ZNF148: variants seen among roughly 807,000 people sequenced by gnomAD.
ZNF148 encodes the protein zinc finger protein 148.
ZNF148 carries 7 observed loss-of-function variants against 67.7 expected under a neutral mutation model. The observed-to-expected ratio is 0.10, with a 90% CI of 0.06 to 0.19. The LOEUF is 0.19. ZNF148 is among the 10% of genes least tolerant of loss of function. The pLI, the probability that ZNF148 is intolerant of heterozygous loss-of-function variation, is 1.00. For synonymous variants in ZNF148, 333 were observed against 330.7 expected (o/e 1.01, Z -0.08); for missense variants, 583 against 947.1 (o/e 0.62, Z 5.05).
chr3:125,341,234 G>A (rs1941709785), intron 1 of ZNF148, among the ~76,000 whole-genome samples: 1 of 142,774 alleles, frequency 7.0e-6, no homozygotes. Flanking sequence ...AGAAATAAGT[G>A]AAAAAATGGA....
intron 7 of ZNF148, among the ~76,000 whole-genome samples, chr3:125,237,487 T>C (rs766791742): frequency 2.6e-5 from 4 of 151,728 alleles, no homozygotes; most frequent in African/African-American, 2.4e-5. Context: ...GAGGCTGAGG[T>C]GGAAGGATCG....
intron 1 of ZNF148, among the ~76,000 whole-genome samples, chr3:125,342,913 T>C (rs1447611190): frequency 6.6e-6 from 1 of 152,200 alleles, no homozygotes; most frequent in Non-Finnish European, 1.5e-5. Context: ...GACTAAGTCA[T>C]GTATGCATAT....
rs752542874 is a variant in ZNF148 at position 125,317,662 on chromosome 3, T to TATAGAGAGAGAGAGAGAGAGAGAGAGAG, written c.-16-4007_-16-4006insCTCTCTCTCTCTCTCTCTCTCTCTCTAT. Among the ~76,000 whole-genome samples the TATAGAGAGAGAGAGAGAGAGAGAGAGAG allele has an allele frequency of 1.0e-3, 92 of 90,008 alleles. 1 individual carries two copies. Among genetic ancestry groups the TATAGAGAGAGAGAGAGAGAGAGAGAGAG allele is most frequent in the Admixed American group, 1.4e-3 (12 of 8,516 alleles). 59.0% of individuals were successfully genotyped at this position (90,008 alleles called of 152,430 possible). ...GATCTTTTATATATATATATATATA[T>TATAGAGAGAGAGAGAGAGAGAGAGAGAG]AGAGAGAGAGAGAGAGAAATACATA... On this transcript the variant is annotated intron_variant, in intron 3 of 8. Coordinates refer to ENST00000360647, the MANE Select transcript of ZNF148 (RefSeq NM_021964.3).
intron 7 of ZNF148, among the ~76,000 whole-genome samples, chr3:125,254,497 A>C (rs75192754): frequency 0.049 from 7,501 of 152,264 alleles, 300 homozygotes; most frequent in Non-Finnish European, 0.069. Context: ...CACTATGTGA[A>C]TCTGTCTACT....
chr3:125,233,058 A>T lies in ZNF148; in HGVS notation c.1668T>A (p.His556Gln). 6.2e-7 allele frequency: 1 copy of T among 1,613,384 alleles called. No individual in the cohort carries two copies. ...DHYSHKANGQ[H>Q]EISFSVADTE... ...TATCTGCAACACTGAAGGATATCTCATGCTGTCCATTAGCTTTGTGGGAAT... is the reference window on the plus strand; with the variant it reads ...TATCTGCAACACTGAAGGATATCTCTTGCTGTCCATTAGCTTTGTGGGAAT... Residue 556 changes from histidine (H) to glutamine (Q), a missense_variant, in exon 9 of 9, where the codon CAT becomes CAA. Physicochemically the swap from His to Gln is conservative, Grantham distance 24. This residue lies in a region of ZNF148 where 172 missense variants were observed against 307.7 expected (regional missense o/e 0.56). Coordinates refer to ENST00000360647, the MANE Select transcript of ZNF148 (RefSeq NM_021964.3). The surrounding 1 kb of genome is among the most constrained non-coding windows in gnomAD (Gnocchi z 5.1).
At chr3:125,336,073 C>A (rs1432567781) in intron 1 of ZNF148, among the ~76,000 whole-genome samples, 1 of 152,140 alleles carries the variant, frequency 6.6e-6, no homozygotes, top group Admixed American at 6.5e-5. Context: ...GAACATAGTT[C>A]TTGGTTAATT....
intron 4 of ZNF148, among the ~76,000 whole-genome samples, chr3:125,302,884 C>A (rs188317673): frequency 6.6e-6 from 1 of 152,246 alleles, no homozygotes; most frequent in Admixed American, 6.5e-5. Flanking sequence ...GAGATGAATA[C>A]CTATATTCAC....
At chr3:125,263,636 C>T (rs1158775975) in intron 7 of ZNF148, among the ~76,000 whole-genome samples, 1 of 151,930 alleles carries the variant, frequency 6.6e-6, no homozygotes, top group South Asian at 2.1e-4. Context: ...CCTGAGTGAT[C>T]GGGGTGATAA....
At chr3:125,248,469 G>A (rs11709450) in intron 7 of ZNF148, among the ~76,000 whole-genome samples, 117,204 of 152,018 alleles carry the variant, frequency 0.77, 45,725 homozygotes, top group African/African-American at 0.85. Context: ...TCTTCATATA[G>A]AACTGTAAAA....
intron 7 of ZNF148, among the ~76,000 whole-genome samples, chr3:125,265,552 G>T (rs931512275): frequency 2.0e-5 from 3 of 152,150 alleles, no homozygotes; most frequent in African/African-American, 4.8e-5. Context: ...AGCACAACAA[G>T]ATTTTTCTAT....
chr3:125,328,750 T>C (rs966126901), intron 2 of ZNF148, among the ~76,000 whole-genome samples: 2 of 151,816 alleles, frequency 1.3e-5, no homozygotes, highest in Admixed American at 6.6e-5. Context: ...AAAACACACA[T>C]TATGGCCAAT....
At position 125,233,420 on chromosome 3, in the gene ZNF148, G is replaced by T. The variant is rs770998853; in HGVS notation, c.1306C>A (p.Leu436Met). ...AFELVDKQAL[L>M]DSEGNADIDQ... ...ATGTCAGCATTGCCTTCTGAGTCCA[G>T]TAAAGCCTGTTTATCCACAAGTTCA... Residue 436 changes from leucine (L) to methionine (M), a missense_variant, in exon 9 of 9, where the codon CTG becomes ATG. Around this residue, in one of 5 missense-constraint regions of ZNF148, gnomAD observed 172 missense variants for 307.7 expected, o/e 0.56. Transcript: ENST00000360647. This position sits in a 1 kb window ranked among gnomAD's most constrained non-coding sequence, Gnocchi z 5.1. 1 of 1,613,946 alleles carries T rather than the reference G, an allele frequency of 6.2e-7. No individual in the cohort carries two copies. Among genetic ancestry groups the T allele is most frequent in the Non-Finnish European group, 8.5e-7 (1 of 1,179,932 alleles).
At chr3:125,273,615 T>TC (rs1937880697) in intron 7 of ZNF148, among the ~76,000 whole-genome samples, 1 of 151,096 alleles carries the variant, frequency 6.6e-6, no homozygotes, top group East Asian at 2.0e-4. Context: ...TGCCTCAGCC[T>TC]CCCGAGTAGC....
intron 7 of ZNF148, among the ~76,000 whole-genome samples, chr3:125,259,071 T>C (rs1937221982): frequency 6.6e-6 from 1 of 152,152 alleles, no homozygotes; most frequent in Non-Finnish European, 1.5e-5. Flanking sequence ...TAAGAGGCCT[T>C]TTGAGAAAAA....
chr3:125,282,878 G>A (rs1005258002), intron 5 of ZNF148, among the ~76,000 whole-genome samples: 1 of 152,058 alleles, frequency 6.6e-6, no homozygotes, highest in African/African-American at 2.4e-5. Context: ...AAAAAGTTCT[G>A]TTTTCTTAAA....
At chr3:125,350,251 C>T (rs1013952674) in intron 1 of ZNF148, among the ~76,000 whole-genome samples, 3 of 152,174 alleles carry the variant, frequency 2.0e-5, no homozygotes, top group Non-Finnish European at 4.4e-5. Flanking sequence ...TCTCCCGTCT[C>T]CTGGGTTCAA....
intron 2 of ZNF148, among the ~76,000 whole-genome samples, chr3:125,327,249 A>T (rs1941071047): frequency 6.6e-6 from 1 of 152,228 alleles, no homozygotes; most frequent in Non-Finnish European, 1.5e-5. Flanking sequence ...TGAAGCAGTA[A>T]CTAACATTAT....
chr3:125,255,349 C>A (rs912892442), intron 7 of ZNF148, among the ~76,000 whole-genome samples: 1 of 139,994 alleles, frequency 7.1e-6, no homozygotes, highest in East Asian at 2.2e-4. Context: ...CAGGTTCAAG[C>A]GATTCTCCTG....
intron 1 of ZNF148, among the ~76,000 whole-genome samples, chr3:125,371,873 G>A (rs1942900512): frequency 1.3e-5 from 2 of 151,648 alleles, no homozygotes; most frequent in South Asian, 2.1e-4. Flanking sequence ...GATCATCCTG[G>A]CTAACACGGT....
Sources: gnomAD v4.1 joint callset for allele counts (sites outside exome capture counted in the v4.1 genomes callset) on GRCh38, gnomAD v4.1.1 for gene constraint, gnomAD v4.1.1 regional missense constraint, Gnocchi (gnomAD v3.1) non-coding constraint, MANE v1.5 for transcripts, NCBI Gene and HGNC (gene_info 2026-07-23, HGNC 2026-07-21) for gene names.